Variants in TMEM260 observed in about 807,000 individuals in gnomAD.
The protein encoded by TMEM260 is transmembrane protein 260.
Under a neutral mutation model 88.9 loss-of-function variants are expected in TMEM260, and 82 were observed. The ratio of observed to expected loss-of-function variants is 0.92; its 90% CI spans 0.77 to 1.11. The LOEUF (loss-of-function observed/expected upper bound fraction) is 1.11. Ranked by LOEUF, TMEM260 falls within the 50% of genes least tolerant of loss-of-function variation. The pLI, the probability that TMEM260 is intolerant of heterozygous loss-of-function variation, is 0.00. For synonymous variants in TMEM260, 314 were observed against 309.3 expected, an observed-to-expected ratio of 1.02 and a Z score of -0.16; for missense variants, 902 against 853.4, an observed-to-expected ratio of 1.06 and a Z score of -0.71.
intron 6 of TMEM260, 30 bp downstream of exon 6, chr14:56,609,315 A>C: frequency 6.3e-7 from 1 of 1,599,132 alleles, no homozygotes; most frequent in Non-Finnish European, 8.6e-7. Context: ...CCTTCTAAGG[A>C]AACAAGTGGC....
At chr14:56,594,579 C>G (rs1886091306) in intron 3 of TMEM260, among the ~76,000 whole-genome samples, 1 of 152,150 alleles carries the variant, frequency 6.6e-6, no homozygotes, top group African/African-American at 2.4e-5. Flanking sequence ...AATCATCAGA[C>G]TTACTCTACG....
At chr14:56,639,967 G>C (rs1049951754) in intron 15 of TMEM260, among the ~76,000 whole-genome samples, 1 of 152,208 alleles carries the variant, frequency 6.6e-6, no homozygotes, top group African/African-American at 2.4e-5. Flanking sequence ...GGCTTCAGCA[G>C]GTAAACAAAG....
chr14:56,582,255 CTCCATAGAT>C (rs1391419850), intron 1 of TMEM260, among the ~76,000 whole-genome samples: 1 of 152,194 alleles, frequency 6.6e-6, no homozygotes, highest in Admixed American at 6.5e-5. Context: ...TTACATTTTA[CTCCATAGAT>C]TCATCACATT....
intron 11 of TMEM260, among the ~76,000 whole-genome samples, chr14:56,622,784 C>T (rs1888012720): frequency 6.6e-6 from 1 of 152,108 alleles, no homozygotes; most frequent in Non-Finnish European, 1.5e-5. Context: ...GTACTTAATG[C>T]ACTTTGTTGA....
chr14:56,594,379 C>G (rs544504295), intron 3 of TMEM260, among the ~76,000 whole-genome samples: 2 of 152,274 alleles, frequency 1.3e-5, no homozygotes, highest in African/African-American at 2.4e-5. Flanking sequence ...TCAGTGGGAA[C>G]AAAATGTCTT....
At chr14:56,609,470 C>A (rs1009591200) in intron 6 of TMEM260, among the ~76,000 whole-genome samples, 185 bp downstream of exon 6, 1 of 152,150 alleles carries the variant, frequency 6.6e-6, no homozygotes, top group Non-Finnish European at 1.5e-5. Flanking sequence ...AAGTCAGAAT[C>A]ACTTAATTTA....
downstream of TMEM260, among the ~76,000 whole-genome samples, chr14:56,654,369 C>T (rs1382465579): frequency 6.6e-6 from 1 of 152,122 alleles, no homozygotes; most frequent in Admixed American, 6.5e-5. Flanking sequence ...TTTCTTACCC[C>T]TCTTAAGTAG....
At position 56,625,422 on chromosome 14, in the gene TMEM260, A is replaced by C. The variant is rs1312510415; in HGVS notation, c.1439A>C (p.His480Pro). ...YEWYLPKMAKHLPGVNFPGNR... is the reference protein window; with the variant it reads ...YEWYLPKMAKPLPGVNFPGNR... The stretch of plus-strand genomic sequence containing the variant: ...TGGTATTTACCCAAGATGGCAAAGC[A>C]CTTGCCAGGTGTCAACTTTCCTGGG... Residue 480 changes from histidine (H) to proline (P), a missense_variant, in exon 12 of 16, where the codon CAC (histidine) becomes CCC (proline). By Grantham distance (77) the His-to-Pro change is moderately conservative. Coordinates refer to ENST00000261556, the MANE Select transcript of TMEM260 (RefSeq NM_017799.4). 1 of 1,613,888 alleles carries C rather than the reference A, an allele frequency of 6.2e-7. No individual in the cohort carries two copies. The highest frequency in any genetic ancestry group is 2.2e-5 in the East Asian group (1 of 44,860).
At chr14:56,586,661 C>T (rs1049728465) in intron 3 of TMEM260, among the ~76,000 whole-genome samples, 1 of 152,070 alleles carries the variant, frequency 6.6e-6, no homozygotes, top group Non-Finnish European at 1.5e-5. Context: ...AACACTTCTT[C>T]TAAAAACTTT....
the TMEM260 span, among the ~76,000 whole-genome samples, chr14:56,662,358 T>A: frequency 6.6e-6 from 1 of 152,106 alleles, no homozygotes; most frequent in South Asian, 2.1e-4. Context: ...GGTTTAACCT[T>A]CCCAAAGATG....
At chr14:56,580,968 C>T (rs950202037) in intron 1 of TMEM260, among the ~76,000 whole-genome samples, 1 of 152,160 alleles carries the variant, frequency 6.6e-6, no homozygotes, top group African/African-American at 2.4e-5. Flanking sequence ...TTTTGTAAAT[C>T]AGGAGTCTGG....
the TMEM260 span, among the ~76,000 whole-genome samples, chr14:56,657,668 A>G: frequency 6.6e-6 from 1 of 152,296 alleles, no homozygotes; most frequent in South Asian, 2.1e-4. Context: ...TTGCTTTCTC[A>G]TTGTTAAAAG....
chr14:56,651,114 G>C (rs756790702), downstream of TMEM260, among the ~76,000 whole-genome samples: 1 of 152,134 alleles, frequency 6.6e-6, no homozygotes, highest in South Asian at 2.1e-4. Flanking sequence ...TAAAGGCCAA[G>C]ATCTTGGCAC....
downstream of TMEM260, among the ~76,000 whole-genome samples, chr14:56,655,160 G>C (rs530898133): frequency 7.9e-4 from 121 of 152,240 alleles, 1 homozygote; most frequent in South Asian, 6.2e-3. Flanking sequence ...GGGAGGCTGA[G>C]GCGGGTGGAT....
intron 3 of TMEM260, among the ~76,000 whole-genome samples, chr14:56,603,027 TG>T (rs2139549930): frequency 6.6e-6 from 1 of 152,290 alleles, no homozygotes; most frequent in South Asian, 2.1e-4. Flanking sequence ...AAAGTTGTTT[TG>T]GTTTGATATG....
At chr14:56,598,260 A>T (rs1043191418) in intron 3 of TMEM260, among the ~76,000 whole-genome samples, 6 of 152,146 alleles carry the variant, frequency 3.9e-5, no homozygotes, top group African/African-American at 1.4e-4. Flanking sequence ...CAGAAGGAAG[A>T]TCAAGAGCCA....
At position 56,647,484 on chromosome 14, in the gene TMEM260, G is replaced by C. The variant is rs138916347; in HGVS notation, c.2111G>C (p.Arg704Thr). The C allele has an allele frequency of 6.3e-7, 1 of 1,594,750 alleles. No individual in the cohort carries two copies. The highest frequency in any genetic ancestry group is 1.4e-5 in the African/African-American group (1 of 73,386). Residue 704 changes from arginine (R) to threonine (T), a missense_variant, in exon 16 of 16, where the codon AGG becomes ACG. Arg to Thr is a moderately conservative substitution (Grantham distance 71). Coordinates refer to ENST00000261556, the MANE Select transcript of TMEM260 (RefSeq NM_017799.4). ...AAAGAACTGCAAAGTCTGAGAAATA[G>C]GAAAAATGTCTGAGACAGCAAAATA... ...LRKELQSLRN[R>T]KNV
chr14:56,621,387 A>G (rs1286470589), intron 10 of TMEM260, 144 bp from the exon 11 acceptor site: 1 of 589,780 alleles, frequency 1.7e-6, no homozygotes, highest in South Asian at 3.4e-5. Flanking sequence ...TTCTCTCTTC[A>G]AATATACATA....
intron 15 of TMEM260, among the ~76,000 whole-genome samples, chr14:56,637,302 A>T (rs976371863): frequency 6.6e-6 from 1 of 152,236 alleles, no homozygotes; most frequent in Admixed American, 6.5e-5. Flanking sequence ...CTACACTTGA[A>T]ATGATAGGGC....
Sources: gnomAD v4.1 joint callset for allele counts (sites outside exome capture counted in the v4.1 genomes callset) on GRCh38, gnomAD v4.1.1 for gene constraint, MANE v1.5 for transcripts, NCBI Gene and HGNC (gene_info 2026-07-23, HGNC 2026-07-21) for gene names.